ADK: variants seen among roughly 807,000 people sequenced by gnomAD.
ADK encodes adenosine kinase.
In ADK, 24 loss-of-function variants were observed where a neutral mutation model predicts 44.7. That is an observed-to-expected ratio of 0.54 (90% CI 0.39 to 0.76). The LOEUF (loss-of-function observed/expected upper bound fraction) is 0.76. ADK is among the 30% of genes least tolerant of loss of function. ADK has a pLI of 0.00. For missense variants in ADK, 321 were observed against 425.1 expected (o/e 0.76, Z 2.15); for synonymous variants, 128 against 142.6 (o/e 0.90, Z 0.73).
At chr10:74,395,194 A>G (rs1032170501) in intron 5 of ADK, among the ~76,000 whole-genome samples, 1 of 151,918 alleles carries the variant, frequency 6.6e-6, no homozygotes, top group Non-Finnish European at 1.5e-5. Flanking sequence ...TCCATTCCCT[A>G]TCTCCTTTCT....
chr10:74,363,958 C>A (rs1201386052), intron 4 of ADK, among the ~76,000 whole-genome samples: 1 of 152,184 alleles, frequency 6.6e-6, no homozygotes, highest in African/African-American at 2.4e-5. Flanking sequence ...GAGTCTGGGG[C>A]CTCCCTTGGG....
At chr10:74,661,545 A>C (rs1854728471) in intron 9 of ADK, among the ~76,000 whole-genome samples, 1 of 152,204 alleles carries the variant, frequency 6.6e-6, no homozygotes, top group Non-Finnish European at 1.5e-5. Context: ...CCATTGCCTG[A>C]TGTATCAAAT....
intron 9 of ADK, among the ~76,000 whole-genome samples, chr10:74,607,209 T>A (rs534916904): frequency 6.6e-6 from 1 of 152,202 alleles, no homozygotes; most frequent in Non-Finnish European, 1.5e-5. Flanking sequence ...TGTTTTTCAA[T>A]TGGGGCATTT....
rs558848620 is a variant in ADK at position 74,505,739 on chromosome 10, T to C, written c.556-19517T>C. Among the ~76,000 whole-genome samples the C allele has an allele frequency of 2.5e-4, 38 of 152,292 alleles. No homozygotes were observed. The South Asian group carries it at 7.9e-3, about 32-fold the overall frequency. Reference sequence around the variant, plus strand: ...CCTTGGTGTTCTCTAAGTTGAGGTCTACTTCCATAGCATTGACAATCTTTT... The same window carrying C: ...CCTTGGTGTTCTCTAAGTTGAGGTCCACTTCCATAGCATTGACAATCTTTT... On this transcript the variant is annotated intron_variant, in intron 6 of 10. Coordinates refer to ENST00000539909, the MANE Select transcript of ADK (RefSeq NM_006721.4).
chr10:74,444,059 G>T (rs938138634), intron 6 of ADK, among the ~76,000 whole-genome samples: 1 of 152,048 alleles, frequency 6.6e-6, no homozygotes, highest in African/African-American at 2.4e-5. Context: ...TCTATCTCCT[G>T]TCCCTCCATT....
At position 74,671,038 on chromosome 10, in the gene ADK, T is replaced by TAAAA. The variant is rs10670267; in HGVS notation, c.964+784_964+787dup. ...AACATCAAGCCAGACCAGGTTAATT[T>TAAAA]AAAAAAAAAAAAAAAAAAGCAAGCA... is the stretch of plus-strand genomic sequence containing the variant. On this transcript the variant is annotated intron_variant, in intron 10 of 10. Coordinates refer to ENST00000539909, the MANE Select transcript of ADK (RefSeq NM_006721.4). Among the ~76,000 whole-genome samples, 34 of 99,112 alleles carry TAAAA rather than the reference T, an allele frequency of 3.4e-4. 2 individuals are homozygous for TAAAA. The highest frequency in any genetic ancestry group is 1.1e-3 in the African/African-American group (27 of 25,102). 65.0% of individuals were successfully genotyped at this position (99,112 alleles called of 152,430 possible).
chr10:74,490,887 A>G (rs914371330), intron 6 of ADK, among the ~76,000 whole-genome samples: 8 of 152,054 alleles, frequency 5.3e-5, no homozygotes, highest in Non-Finnish European at 8.8e-5. Context: ...AATGGTGTCC[A>G]TGTTTAGGTA....
At chr10:74,234,737 A>G (rs866706576) in intron 3 of ADK, among the ~76,000 whole-genome samples, 1 of 152,102 alleles carries the variant, frequency 6.6e-6, no homozygotes, top group Non-Finnish European at 1.5e-5. Context: ...TTCATGTATT[A>G]TAACTTTATT....
intron 6 of ADK, among the ~76,000 whole-genome samples, chr10:74,455,684 A>G (rs924893431): frequency 6.6e-6 from 1 of 151,888 alleles, no homozygotes; most frequent in Non-Finnish European, 1.5e-5. Context: ...TAATTTTTGT[A>G]TTTTTATTAG....
intron 3 of ADK, among the ~76,000 whole-genome samples, chr10:74,275,848 C>T (rs1321741904): frequency 2.0e-5 from 3 of 152,066 alleles, no homozygotes; most frequent in Non-Finnish European, 4.4e-5. Flanking sequence ...GCTATGTTGG[C>T]CAGGCTGTTC....
At chr10:74,474,385 G>T (rs1235143363) in intron 6 of ADK, among the ~76,000 whole-genome samples, 1 of 152,152 alleles carries the variant, frequency 6.6e-6, no homozygotes. Context: ...TCACATGTGT[G>T]ACCCACCACA....
intron 4 of ADK, among the ~76,000 whole-genome samples, chr10:74,359,769 A>G (rs933036569): frequency 2.0e-5 from 3 of 152,180 alleles, no homozygotes; most frequent in Non-Finnish European, 4.4e-5. Context: ...CAGTCTTTCA[A>G]TTCCAAAACA....
At chr10:74,617,063 ACATAT>A (rs1391896888) in intron 9 of ADK, among the ~76,000 whole-genome samples, 2 of 152,216 alleles carry the variant, frequency 1.3e-5, no homozygotes, top group Non-Finnish European at 2.9e-5. Flanking sequence ...AACTGCAATA[ACATAT>A]CAGATAATTA....
intron 6 of ADK, among the ~76,000 whole-genome samples, chr10:74,447,264 A>G (rs1845619384): frequency 6.6e-6 from 1 of 152,146 alleles, no homozygotes. Context: ...GAGACTAGAC[A>G]AAATGGGGGT....
intron 5 of ADK, among the ~76,000 whole-genome samples, chr10:74,397,901 CAG>C (rs1465429228): frequency 1.3e-5 from 2 of 152,152 alleles, no homozygotes; most frequent in African/African-American, 2.4e-5. Flanking sequence ...TTGGACCAGT[CAG>C]GGGACTTTTC....
chr10:74,204,365 G>A (rs1236619935), intron 2 of ADK, among the ~76,000 whole-genome samples: 1 of 151,924 alleles, frequency 6.6e-6, no homozygotes, highest in African/African-American at 2.4e-5. Context: ...TTGTAAATTG[G>A]GATTGTTTTA....
At chr10:74,554,333 A>G (rs930117728) in intron 7 of ADK, among the ~76,000 whole-genome samples, 5 of 152,122 alleles carry the variant, frequency 3.3e-5, no homozygotes, top group Admixed American at 3.3e-4. Flanking sequence ...GCTAATGCTT[A>G]TTCTGACTTT....
intron 10 of ADK, among the ~76,000 whole-genome samples, chr10:74,707,147 C>A (rs1856631184): frequency 6.6e-6 from 1 of 152,148 alleles, no homozygotes; most frequent in South Asian, 2.1e-4. Context: ...GCAATCCTCT[C>A]ACCTCAGCCT....
At chr10:74,215,654 G>A (rs572341462) in intron 2 of ADK, among the ~76,000 whole-genome samples, 2 of 143,162 alleles carry the variant, frequency 1.4e-5, no homozygotes, top group Admixed American at 7.4e-5. Flanking sequence ...ATATAATACT[G>A]ATAAATCACT....
Sources: gnomAD v4.1 joint callset for allele counts (sites outside exome capture counted in the v4.1 genomes callset) on GRCh38, gnomAD v4.1.1 for gene constraint, MANE v1.5 for transcripts, NCBI Gene and HGNC (gene_info 2026-07-23, HGNC 2026-07-21) for gene names.